FAM13A: variants seen among roughly 807,000 people sequenced by gnomAD.
The protein encoded by FAM13A is family with sequence similarity 13 member A, also known as protein FAM13A.
Under a neutral mutation model 129.6 loss-of-function variants are expected in FAM13A, and 76 were observed. The ratio of observed to expected loss-of-function variants is 0.59; its 90% CI spans 0.49 to 0.71. The LOEUF is 0.71. Ranked by LOEUF, FAM13A falls within the 30% of genes least tolerant of loss-of-function variation. The pLI is 0.00. For missense variants in FAM13A, 1,108 were observed against 1,249.3 expected (o/e 0.89, Z 1.70); for synonymous variants, 443 against 449.9 (o/e 0.98, Z 0.20).
chr4:89,010,267 T>C (rs78300647), intron 3 of FAM13A, among the ~76,000 whole-genome samples: 1,562 of 152,314 alleles, frequency 0.01, 37 homozygotes, highest in African/African-American at 0.035. Context: ...CCCATTCCTT[T>C]GGAGTCTGTG....
At chr4:88,965,728 C>T (rs1227257630) in intron 4 of FAM13A, among the ~76,000 whole-genome samples, 2 of 152,082 alleles carry the variant, frequency 1.3e-5, no homozygotes, top group Non-Finnish European at 2.9e-5. Context: ...CCTTTTTCCA[C>T]TCCCCCAGCC....
intron 19 of FAM13A, among the ~76,000 whole-genome samples, chr4:88,739,861 TAAG>T (rs982300252): frequency 2.6e-5 from 4 of 152,126 alleles, no homozygotes; most frequent in East Asian, 1.9e-4. Context: ...ATTATGTTTC[TAAG>T]AAGAAGATTC....
chr4:88,757,719 G>T (rs181457741), intron 14 of FAM13A, among the ~76,000 whole-genome samples: 1 of 152,226 alleles, frequency 6.6e-6, no homozygotes, highest in Admixed American at 6.5e-5. Flanking sequence ...TTTCACTAAA[G>T]CCCTGGATGC....
intron 1 of FAM13A, among the ~76,000 whole-genome samples, chr4:89,050,158 C>G (rs186593582): frequency 1.2e-4 from 19 of 152,246 alleles, no homozygotes; most frequent in Admixed American, 5.9e-4. Context: ...CCAGGACTTG[C>G]CAGGTATGGA....
intron 6 of FAM13A, among the ~76,000 whole-genome samples, chr4:88,863,145 G>C (rs1276528863): frequency 6.6e-6 from 1 of 152,106 alleles, no homozygotes; most frequent in Non-Finnish European, 1.5e-5. Flanking sequence ...TCAGGATGAG[G>C]ACTGGCTGCC....
intron 5 of FAM13A, among the ~76,000 whole-genome samples, chr4:88,918,299 C>A (rs1165695944): frequency 3.9e-5 from 6 of 152,198 alleles, no homozygotes; most frequent in African/African-American, 1.4e-4. Flanking sequence ...TAACTATGTG[C>A]ACGGTTTTCT....
intron 3 of FAM13A, among the ~76,000 whole-genome samples, chr4:89,007,256 G>A (rs1765164333): frequency 6.6e-6 from 1 of 152,142 alleles, no homozygotes; most frequent in Admixed American, 6.5e-5. Flanking sequence ...CTAACAAACA[G>A]GGCAGAGTGA....
chr4:89,044,776 T>C (rs1349676921), intron 1 of FAM13A, among the ~76,000 whole-genome samples: 2 of 152,120 alleles, frequency 1.3e-5, no homozygotes, highest in Admixed American at 1.3e-4. Context: ...TGCTACAAGA[T>C]GGATGAACCC....
At chr4:88,848,611 C>T (rs367708038) in intron 7 of FAM13A, among the ~76,000 whole-genome samples, 8 of 152,158 alleles carry the variant, frequency 5.3e-5, no homozygotes, top group South Asian at 2.1e-4. Context: ...CTCTTACTTG[C>T]GCTGAATTGC....
At position 88,793,869 on chromosome 4, in the gene FAM13A, C is replaced by T. The variant is rs527483859; in HGVS notation, c.1050-3242G>A. On this transcript the variant is annotated intron_variant, in intron 8 of 23. Coordinates refer to ENST00000264344, the MANE Select transcript of FAM13A (RefSeq NM_014883.4). ...ACTTTGGTATTTAGTCAGGCATCCACCGCCATAGTTCCTGTGGGATGTACT... is the reference window on the plus strand; with the variant it reads ...ACTTTGGTATTTAGTCAGGCATCCATCGCCATAGTTCCTGTGGGATGTACT... Among the ~76,000 whole-genome samples the T allele has an allele frequency of 2.6e-5, 4 of 152,082 alleles. No individual in the cohort carries two copies. In the South Asian group the frequency reaches 6.2e-4, roughly 24 times the overall value.
intron 5 of FAM13A, among the ~76,000 whole-genome samples, chr4:88,923,878 C>G (rs867923523): frequency 6.6e-6 from 1 of 152,036 alleles, no homozygotes; most frequent in Admixed American, 6.6e-5. Flanking sequence ...AATCAATGTA[C>G]GAAAATCACA....
At chr4:88,742,047 T>C (rs1320323722) in intron 19 of FAM13A, among the ~76,000 whole-genome samples, 1 of 152,180 alleles carries the variant, frequency 6.6e-6, no homozygotes, top group Admixed American at 6.5e-5. Context: ...TGACACATGG[T>C]GAAATATAAT....
intron 1 of FAM13A, among the ~76,000 whole-genome samples, chr4:89,045,954 G>A (rs2458547): frequency 0.25 from 37,121 of 150,704 alleles, 4,647 homozygotes; most frequent in Non-Finnish European, 0.28. Flanking sequence ...AACCTGGGAG[G>A]CGGAGGTTGC....
At chr4:88,878,287 C>CAAAAAAAAAAAAAAAAA (rs56067813) in intron 6 of FAM13A, among the ~76,000 whole-genome samples, 1 of 61,062 alleles carries the variant, frequency 1.6e-5, no homozygotes, top group African/African-American at 7.3e-5. Context: ...GACTCCATCT[C>CAAAAAAAAAAAAAAAAA]AAAAAAAAAA....
chr4:89,023,512 T>C (rs1356071123), intron 2 of FAM13A, among the ~76,000 whole-genome samples: 1 of 152,056 alleles, frequency 6.6e-6, no homozygotes, highest in Non-Finnish European at 1.5e-5. Context: ...CAAATAAATA[T>C]ACTTCCAGCA....
chr4:89,001,346 T>C (rs983470282), intron 3 of FAM13A, among the ~76,000 whole-genome samples: 4 of 152,216 alleles, frequency 2.6e-5, no homozygotes, highest in African/African-American at 9.7e-5. Flanking sequence ...CTTGGGCAAA[T>C]ACGTAGACAT....
chr4:88,977,154 G>T (rs1053414311), intron 4 of FAM13A, among the ~76,000 whole-genome samples: 35 of 152,198 alleles, frequency 2.3e-4, no homozygotes, highest in African/African-American at 8.2e-4. Context: ...ATAACTAATA[G>T]TAAAATAGAA....
intron 6 of FAM13A, among the ~76,000 whole-genome samples, chr4:88,854,270 C>T (rs548504853): frequency 6.6e-6 from 1 of 152,290 alleles, no homozygotes; most frequent in East Asian, 1.9e-4. Context: ...TTTAGACCCA[C>T]CTTATCTCAG....
At chr4:88,880,997 T>A (rs1743470032) in intron 6 of FAM13A, among the ~76,000 whole-genome samples, 1 of 151,526 alleles carries the variant, frequency 6.6e-6, no homozygotes, top group South Asian at 2.1e-4. Flanking sequence ...CCAAGAAGAG[T>A]CTGAGCCTAA....
Sources: allele counts gnomAD v4.1 joint callset (sites outside exome capture counted in the v4.1 genomes callset), GRCh38; gene constraint gnomAD v4.1.1; transcripts MANE v1.5; gene names NCBI Gene and HGNC (gene_info 2026-07-23, HGNC 2026-07-21).